The following TERT variants were observed in gnomAD, a reference collection of about 807,000 sequenced individuals.
TERT encodes the protein telomerase catalytic subunit.
A neutral mutation model predicts 104.0 loss-of-function variants in TERT; 42 were observed. That is an observed-to-expected ratio of 0.40 (90% CI 0.32 to 0.52). TERT has a LOEUF of 0.52. TERT is among the 20% of genes least tolerant of loss of function. The pLI is 0.43. For synonymous variants in TERT, 781 were observed against 725.6 expected, an observed-to-expected ratio of 1.08 and a Z score of -1.23; for missense variants, 1,101 against 1,610.3, an observed-to-expected ratio of 0.68 and a Z score of 5.41.
Position 1,279,456 on chromosome 5 carries a change from G to A in TERT, c.1965C>T (p.Thr655=). Residue 655 remains threonine (T), a synonymous_variant, in exon 5 of 16, where the codon ACC becomes ACT. Transcript: ENST00000310581. ...CGCTGAACAGTGCCTTCACCCTCGA[G>A]GTGAGACGCTCGGCCTGGCGGGGAC... ...FRREKRAERL[T]SRVKALFSVL... is the part of the protein sequence containing the mutation. The A allele has an allele frequency of 6.5e-7, 1 of 1,549,826 alleles. No homozygotes were observed. The highest frequency in any genetic ancestry group is 8.7e-7 in the Non-Finnish European group (1 of 1,147,692).
At position 1,256,853 on chromosome 5, in the gene TERT, T is replaced by G. The variant is rs2126567657; in HGVS notation, c.3033-1442A>C. On this transcript the variant is annotated intron_variant, in intron 13 of 15. Transcript: ENST00000310581. This position sits in a 1 kb window ranked among gnomAD's most constrained non-coding sequence, Gnocchi z 7.0. ...GGGAGAAATAGCCACCTGCTAGAGG[T>G]CGGGGCGTCCACCCCAAGCCCGTGT... Among the ~76,000 whole-genome samples the G allele has an allele frequency of 6.6e-6, 1 of 152,056 alleles. No homozygotes were observed. Among genetic ancestry groups the G allele is most frequent in the African/African-American group, 2.4e-5 (1 of 41,458 alleles).
intron 5 of TERT, among the ~76,000 whole-genome samples, 153 bp downstream of exon 5, chr5:1,279,131 GCCTCCAC>G (rs954620871): frequency 1.3e-5 from 2 of 152,194 alleles, no homozygotes; most frequent in Non-Finnish European, 2.9e-5. Context: ...AAGGCTGAAG[GCCTCCAC>G]CCTAGGTGCC....
chr5:1,293,295 C>T lies in TERT; in HGVS notation c.1573+18G>A, dbSNP rs759997978. The T allele has an allele frequency of 3.7e-6, 6 of 1,611,768 alleles. No homozygotes were observed. The highest frequency in any genetic ancestry group is 1.3e-5 in the African/African-American group (1 of 74,956). On this transcript the variant is annotated intron_variant, in intron 2 of 15. Coordinates refer to ENST00000310581, the MANE Select transcript of TERT (RefSeq NM_198253.3). ...TCAGCTCTGGGGCCTGGGCCCTCGA[C>T]GGCCACCACCTCCTCACCTGGGCTC...
At position 1,287,497 on chromosome 5, in the gene TERT, C is replaced by CAAAAA. The variant is rs11291391; in HGVS notation, c.1574-4878_1574-4874dup. Among the ~76,000 whole-genome samples, 3 of 136,098 alleles carry CAAAAA rather than the reference C, an allele frequency of 2.2e-5. No homozygotes were observed. The highest frequency in any genetic ancestry group is 8.3e-5 in the African/African-American group (3 of 36,134). The allele number at this position is 136,098 out of a possible 152,430, so 89.3% of individuals were successfully genotyped here. On this transcript the variant is annotated intron_variant, in intron 2 of 15. Coordinates refer to ENST00000310581, the MANE Select transcript of TERT (RefSeq NM_198253.3). This position sits in a 1 kb window ranked among gnomAD's most constrained non-coding sequence, Gnocchi z 4.3. ...TGGGCGACAGACCAAGACTCTGTCT[C>CAAAAA]AAAAAAAAAAAATATATATATATAT...
intron 9 of TERT, among the ~76,000 whole-genome samples, chr5:1,266,746 T>C (rs1253081364): frequency 2.0e-5 from 3 of 152,230 alleles, no homozygotes; most frequent in Non-Finnish European, 2.9e-5. Context: ...AAGTACTCAG[T>C]GTTTACCATC....
chr5:1,266,847 C>T (rs1046078039), intron 9 of TERT, among the ~76,000 whole-genome samples: 6 of 152,294 alleles, frequency 3.9e-5, no homozygotes, highest in Middle Eastern at 3.4e-3. Flanking sequence ...TAACTGAAGA[C>T]GGTAAGAAAG....
chr5:1,278,418 C>A (rs1354780212), intron 6 of TERT, among the ~76,000 whole-genome samples: 2 of 151,574 alleles, frequency 1.3e-5, no homozygotes, highest in Admixed American at 1.3e-4. Context: ...ACCACAGGCA[C>A]ACACACCATG....
At chr5:1,293,151 G>C (rs181901052) in intron 2 of TERT, among the ~76,000 whole-genome samples, 162 bp downstream of exon 2, 363 of 152,372 alleles carry the variant, frequency 2.4e-3, no homozygotes, top group African/African-American at 8.0e-3. Flanking sequence ...AGGGAGAGCA[G>C]AGGCAGAGAT....
chr5:1,283,412 C>T (rs1750199275), intron 2 of TERT, among the ~76,000 whole-genome samples: 1 of 146,710 alleles, frequency 6.8e-6, no homozygotes, highest in South Asian at 2.2e-4. Context: ...CTGGCGACCT[C>T]ACCCCGGACC....
At chr5:1,293,271 C>G in intron 2 of TERT, 42 bp downstream of exon 2, 1 of 1,609,016 alleles carries the variant, frequency 6.2e-7, no homozygotes, top group Non-Finnish European at 8.5e-7. Context: ...CTACTGCATT[C>G]AGCTCTGGGG....
chr5:1,267,695 G>A (rs551433362), intron 9 of TERT, among the ~76,000 whole-genome samples: 19 of 152,284 alleles, frequency 1.2e-4, no homozygotes, highest in East Asian at 3.9e-4. Context: ...GGACATGGAC[G>A]AAGCTGGAAA....
chr5:1,294,541 G>A lies in TERT; in HGVS notation c.345C>T (p.Phe115=). Reference sequence around the variant, plus strand: ...GCAGGTAGCTGCGCACGCTGGTGGTGAAGGCCTCGGGGGGGCCCCCGCGGG... The same window carrying A: ...GCAGGTAGCTGCGCACGCTGGTGGTAAAGGCCTCGGGGGGGCCCCCGCGGG... ...DGARGGPPEA[F]TTSVRSYLPN... Residue 115 remains phenylalanine (F), a synonymous_variant, in exon 2 of 16, where the codon TTC becomes TTT. Coordinates refer to ENST00000310581, the MANE Select transcript of TERT (RefSeq NM_198253.3). 6.3e-7 allele frequency: 1 copy of A among 1,578,512 alleles called. No homozygotes were observed. The highest frequency in any genetic ancestry group is 2.3e-5 in the East Asian group (1 of 43,912).
intron 7 of TERT, among the ~76,000 whole-genome samples, chr5:1,271,556 C>A (rs1235896865): frequency 1.3e-5 from 2 of 152,074 alleles, no homozygotes; most frequent in Admixed American, 6.5e-5. Flanking sequence ...TCCACCCCCA[C>A]CCTGGGAGCC....
In TERT at chr5:1,266,399, G is replaced by A. The variant is rs1200317353; in HGVS notation, c.2654+65C>T. On this transcript the variant is annotated intron_variant, in intron 10 of 15. Transcript: ENST00000310581. ...CGCTGCGGTGCCAGGGGCAGGACACGGGGGGCTCAACTGCAAAGCCCACAG... is the reference window on the plus strand; with the variant it reads ...CGCTGCGGTGCCAGGGGCAGGACACAGGGGGCTCAACTGCAAAGCCCACAG... 1.7e-5 allele frequency: 24 copies of A among 1,376,342 alleles called. No homozygotes were observed. In the East Asian group the frequency reaches 3.1e-4, roughly 18 times the overall value. The allele number at this position is 1,376,342 out of a possible 1,614,324, so 85.3% of individuals were successfully genotyped here.
In TERT at chr5:1,292,864, T is replaced by A. The variant is rs867670852; in HGVS notation, c.1573+449A>T. Among the ~76,000 whole-genome samples the A allele has an allele frequency of 5.9e-5, 9 of 152,322 alleles. No homozygotes were observed. In the South Asian group the frequency reaches 8.3e-4, roughly 14 times the overall value. ...CAAACCTGCATATTGGCTGACCACGTGCACCTGCAAAACCCTTACCTCCCA... is the reference window on the plus strand; with the variant it reads ...CAAACCTGCATATTGGCTGACCACGAGCACCTGCAAAACCCTTACCTCCCA... On this transcript the variant is annotated intron_variant, in intron 2 of 15. Coordinates refer to ENST00000310581, the MANE Select transcript of TERT (RefSeq NM_198253.3). The surrounding 1 kb of genome is among the most constrained non-coding windows in gnomAD (Gnocchi z 5.5).
intron 6 of TERT, among the ~76,000 whole-genome samples, chr5:1,273,574 G>A (rs374523034): frequency 1.7e-4 from 1 of 5,742 alleles, no homozygotes; most frequent in Non-Finnish European, 3.0e-4. Context: ...CCCCACGACC[G>A]CCATCCACAG....
rs1231731069 is a variant in TERT, at chr5:1,269,599, T to C, written c.2469-966A>G. On this transcript the variant is annotated intron_variant, in intron 8 of 15. Transcript: ENST00000310581. This position sits in a 1 kb window ranked among gnomAD's most constrained non-coding sequence, Gnocchi z 9.0. ...GCACTCAAGCCCAGGCAGACAACAG[T>C]GACGTTCCGTCTCAAAAAAAAAAAA... 6.8e-6 allele frequency among the ~76,000 whole-genome samples: 1 copy of C among 148,082 alleles called. No homozygotes were observed. The highest frequency in any genetic ancestry group is 2.0e-4 in the East Asian group (1 of 5,046).
chr5:1,273,784 GT>G lies in TERT; in HGVS notation c.2287-1505del, dbSNP rs1749325055. ...CACAGTCACCACACATCAGACCCCT[GT>G]GACCAACCGCCATCCACAGTCACCA... is the stretch of plus-strand genomic sequence containing the variant. On this transcript the variant is annotated intron_variant, in intron 6 of 15. Coordinates refer to ENST00000310581, the MANE Select transcript of TERT (RefSeq NM_198253.3). 1.1e-4 allele frequency among the ~76,000 whole-genome samples: 2 copies of G among 18,560 alleles called. 1 individual carries two copies. Among genetic ancestry groups the G allele is most frequent in the African/African-American group, 1.2e-3 (2 of 1,720 alleles). The allele number at this position is 18,560 out of a possible 152,430, so 12.2% of individuals were successfully genotyped here. A position where few individuals can be genotyped will look rare whatever the true frequency, so the allele number is the denominator to read the frequency against.
chr5:1,284,185 C>T (rs879260079), intron 2 of TERT, among the ~76,000 whole-genome samples: 15 of 83,044 alleles, frequency 1.8e-4, no homozygotes, highest in Non-Finnish European at 3.0e-4. Context: ...GCACATCCAG[C>T]TCACAGCAGG....
Sources: allele counts gnomAD v4.1 joint callset (sites outside exome capture counted in the v4.1 genomes callset), GRCh38; gene constraint gnomAD v4.1.1; non-coding constraint Gnocchi (gnomAD v3.1); transcripts MANE v1.5; gene names NCBI Gene and HGNC (gene_info 2026-07-23, HGNC 2026-07-21).